LRRC4C: variants seen among roughly 807,000 people sequenced by gnomAD.
LRRC4C encodes leucine rich repeat containing 4C.
LRRC4C carries 5 observed loss-of-function variants against 33.6 expected under a neutral mutation model. The ratio of observed to expected loss-of-function variants is 0.15; its 90% CI spans 0.08 to 0.31. The LOEUF is 0.31. Ranked by LOEUF, LRRC4C falls within the 10% of genes least tolerant of loss-of-function variation. LRRC4C has a pLI of 1.00. For missense variants in LRRC4C, 560 were observed against 796.7 expected (o/e 0.70, Z 3.58); for synonymous variants, 329 against 302.0 (o/e 1.09, Z -0.93).
At chr11:40,882,957 G>T (rs1955257507) in intron 2 of LRRC4C, among the ~76,000 whole-genome samples, 1 of 151,986 alleles carries the variant, frequency 6.6e-6, no homozygotes, top group South Asian at 2.1e-4. Flanking sequence ...TCAAAATGGG[G>T]TTTATTATAT....
chr11:41,059,648 A>G (rs1417157764), intron 1 of LRRC4C, among the ~76,000 whole-genome samples: 1 of 152,218 alleles, frequency 6.6e-6, no homozygotes. Context: ...TGCCTGTGCA[A>G]GAGACCTGTG....
chr11:40,631,245 G>T (rs1165475017), intron 3 of LRRC4C, among the ~76,000 whole-genome samples: 1 of 152,116 alleles, frequency 6.6e-6, no homozygotes, highest in Non-Finnish European at 1.5e-5. Context: ...AAGCTGATTG[G>T]GTTTTTTATG....
chr11:40,826,179 A>C (rs1290251631), intron 2 of LRRC4C, among the ~76,000 whole-genome samples: 1 of 152,120 alleles, frequency 6.6e-6, no homozygotes, highest in East Asian at 1.9e-4. Flanking sequence ...TCTTGATTGC[A>C]TACTTAATCA....
chr11:40,914,433 C>A (rs578045821), intron 2 of LRRC4C, among the ~76,000 whole-genome samples: 4 of 152,244 alleles, frequency 2.6e-5, no homozygotes, highest in African/African-American at 9.6e-5. Flanking sequence ...ATAAAAAGAA[C>A]CAATGACAAA....
chr11:40,233,132 T>C (rs1590777277), intron 5 of LRRC4C, among the ~76,000 whole-genome samples: 1 of 152,190 alleles, frequency 6.6e-6, no homozygotes, highest in Non-Finnish European at 1.5e-5. Flanking sequence ...CCTTTAAATA[T>C]ACTGTTGCAT....
chr11:40,893,570 AT>A (rs1302840515), intron 2 of LRRC4C, among the ~76,000 whole-genome samples: 2 of 152,070 alleles, frequency 1.3e-5, no homozygotes, highest in East Asian at 3.9e-4. Context: ...CTAATTAGAA[AT>A]TTTAAAAAAG....
chr11:40,154,937 T>C (rs1489398089), intron 5 of LRRC4C, among the ~76,000 whole-genome samples: 1 of 152,096 alleles, frequency 6.6e-6, no homozygotes, highest in African/African-American at 2.4e-5. Flanking sequence ...TTCTCCAAGG[T>C]AGACCATATG....
At chr11:40,607,149 T>C (rs1960703582) in intron 3 of LRRC4C, among the ~76,000 whole-genome samples, 2 of 152,184 alleles carry the variant, frequency 1.3e-5, no homozygotes, top group Admixed American at 6.5e-5. Context: ...GATTTTCCCA[T>C]GTAAACAAAA....
chr11:41,216,071 G>A (rs1055400992), intron 1 of LRRC4C, among the ~76,000 whole-genome samples: 1 of 152,266 alleles, frequency 6.6e-6, no homozygotes, highest in African/African-American at 2.4e-5. Flanking sequence ...AACTGTGAAG[G>A]CTACAGATAT....
intron 1 of LRRC4C, among the ~76,000 whole-genome samples, chr11:41,242,279 T>G (rs1431828126): frequency 1.3e-5 from 2 of 152,144 alleles, no homozygotes; most frequent in African/African-American, 4.8e-5. Context: ...CAACCACGTT[T>G]TCAAAGCACT....
chr11:40,558,408 A>T (rs1330205006), intron 3 of LRRC4C, among the ~76,000 whole-genome samples: 1 of 152,188 alleles, frequency 6.6e-6, no homozygotes, highest in Non-Finnish European at 1.5e-5. Flanking sequence ...TTCTGGCTAC[A>T]TTAGTAACAT....
chr11:41,189,639 T>C (rs989672874), intron 1 of LRRC4C, among the ~76,000 whole-genome samples: 5 of 152,098 alleles, frequency 3.3e-5, no homozygotes, highest in African/African-American at 1.2e-4. Context: ...GGTATTTTAA[T>C]TAAGATGACC....
chr11:40,630,954 T>C (rs1963434971), intron 3 of LRRC4C, among the ~76,000 whole-genome samples: 1 of 152,178 alleles, frequency 6.6e-6, no homozygotes, highest in Non-Finnish European at 1.5e-5. Context: ...AACAGAGAAA[T>C]GTAAAAGAAA....
At chr11:41,352,753 A>C (rs1215868912) in intron 1 of LRRC4C, among the ~76,000 whole-genome samples, 1 of 152,170 alleles carries the variant, frequency 6.6e-6, no homozygotes, top group Non-Finnish European at 1.5e-5. Flanking sequence ...GAAAGTACAC[A>C]ATCTACTCCT....
At chr11:40,781,324 C>G (rs192965738) in intron 2 of LRRC4C, among the ~76,000 whole-genome samples, 77 of 152,134 alleles carry the variant, frequency 5.1e-4, no homozygotes, top group African/African-American at 1.8e-3. Context: ...CATACACACA[C>G]ACACATATAT....
chr11:40,499,334 A>G (rs1248148193), intron 3 of LRRC4C, among the ~76,000 whole-genome samples: 3 of 152,178 alleles, frequency 2.0e-5, no homozygotes, highest in Non-Finnish European at 4.4e-5. Context: ...TGAGTCAGAA[A>G]ATGTATCTGC....
chr11:40,360,935 C>T (rs10837388), intron 3 of LRRC4C, among the ~76,000 whole-genome samples: 28 of 151,860 alleles, frequency 1.8e-4, no homozygotes, highest in Non-Finnish European at 2.9e-4. Context: ...ATGCAAGTTT[C>T]GTTCAACATA....
At chr11:40,802,776 T>C (rs551272960) in intron 2 of LRRC4C, among the ~76,000 whole-genome samples, 1 of 152,252 alleles carries the variant, frequency 6.6e-6, no homozygotes, top group Non-Finnish European at 1.5e-5. Context: ...GAAGAATACA[T>C]ATGGGAAGAA....
At position 40,485,884 on chromosome 11, in the gene LRRC4C, A is replaced by C. The variant is rs182055177; in HGVS notation, c.-270+162258T>G. 1.1e-4 allele frequency among the ~76,000 whole-genome samples: 16 copies of C among 152,176 alleles called. 1 individual carries two copies. Among genetic ancestry groups the C allele is most frequent in the Middle Eastern group, 6.8e-3 (2 of 292 alleles). ...ATAGAGCCATTATCCTAAGCAAACTAACACAGGAACAGAAAACCAAATACT... is the reference window on the plus strand; with the variant it reads ...ATAGAGCCATTATCCTAAGCAAACTCACACAGGAACAGAAAACCAAATACT... On this transcript the variant is annotated intron_variant, in intron 3 of 6. Coordinates refer to ENST00000528697, the MANE Select transcript of LRRC4C (RefSeq NM_001258419.2).
Sources: allele counts gnomAD v4.1 joint callset (sites outside exome capture counted in the v4.1 genomes callset), GRCh38; gene constraint gnomAD v4.1.1; transcripts MANE v1.5; gene names NCBI Gene and HGNC (gene_info 2026-07-23, HGNC 2026-07-21).